The following IL1RAPL2 variants were observed in gnomAD, a reference collection of about 807,000 sequenced individuals.
The protein encoded by IL1RAPL2 is X-linked interleukin-1 receptor accessory protein-like 2.
In IL1RAPL2, 3 loss-of-function variants were observed where a neutral mutation model predicts 44.1. The observed-to-expected ratio is 0.07, with a 90% CI of 0.03 to 0.18. The LOEUF is 0.18. Ranked by LOEUF, IL1RAPL2 falls within the 10% of genes least tolerant of loss-of-function variation. IL1RAPL2 has a pLI of 1.00. For synonymous variants in IL1RAPL2, 181 were observed against 178.8 expected (o/e 1.01, Z -0.10); for missense variants, 391 against 496.4 (o/e 0.79, Z 2.02).
intron 6 of IL1RAPL2, among the ~76,000 whole-genome samples, chrX:105,663,600 A>T (rs1240081992): frequency 1.8e-5 from 2 of 111,950 alleles, no homozygotes; most frequent in South Asian, 3.7e-4. Context: ...TAAATTGAGT[A>T]TCACAGAAAA....
In IL1RAPL2 at chrX:105,080,682, G is replaced by A. The variant is rs188032103; in HGVS notation, c.83-114793G>A. Reference sequence around the variant, plus strand: ...CTCAAGCTTTGTTCTTTTTGCTTAGGATTGCCTTGGCTATGCGGGCTCTTT... The same window carrying A: ...CTCAAGCTTTGTTCTTTTTGCTTAGAATTGCCTTGGCTATGCGGGCTCTTT... On this transcript the variant is annotated intron_variant, in intron 2 of 10. Coordinates refer to ENST00000372582, the MANE Select transcript of IL1RAPL2 (RefSeq NM_017416.2). 9.8e-5 allele frequency among the ~76,000 whole-genome samples: 11 copies of A among 111,909 alleles called. No individual in the cohort carries two copies. The Admixed American group carries it at 1.0e-3, about 11-fold the overall frequency.
chrX:105,755,367 G>C lies in IL1RAPL2; in HGVS notation c.1363+20G>C. ...GTGGAAGTAAGTACTTTCAAATTTT[G>C]TGTTTAAAACGTTCTGTTTCTTTTA... On this transcript the variant is annotated intron_variant, in intron 10 of 10. Transcript: ENST00000372582. 1.8e-6 allele frequency: 2 copies of C among 1,141,327 alleles called. No individual in the cohort carries two copies. Among genetic ancestry groups the C allele is most frequent in the East Asian group, 6.0e-5 (2 of 33,260 alleles). The allele number at this position is 1,141,327 out of a possible 1,213,427, so 94.1% of individuals were successfully genotyped here.
At chrX:104,747,344 C>G (rs1199136342) in intron 2 of IL1RAPL2, among the ~76,000 whole-genome samples, 2 of 111,320 alleles carry the variant, frequency 1.8e-5, no homozygotes, top group Non-Finnish European at 3.8e-5. Context: ...CTCCTCCCTT[C>G]CCTTGCTTGC....
chrX:105,266,363 A>G (rs1399186968), intron 4 of IL1RAPL2, among the ~76,000 whole-genome samples: 1 of 111,373 alleles, frequency 9.0e-6, no homozygotes, highest in East Asian at 2.8e-4. Context: ...TTTGCCTTGA[A>G]TATTCAGCAC....
At chrX:104,695,774 C>G (rs759887558) in intron 2 of IL1RAPL2, among the ~76,000 whole-genome samples, 6 of 111,104 alleles carry the variant, frequency 5.4e-5, no homozygotes, top group Non-Finnish European at 1.1e-4. Context: ...TCATTTAATC[C>G]TCACAACAGC....
intron 2 of IL1RAPL2, among the ~76,000 whole-genome samples, chrX:105,185,932 A>T (rs1358441298): frequency 8.9e-6 from 1 of 112,053 alleles, no homozygotes; most frequent in Non-Finnish European, 1.9e-5. Flanking sequence ...CAGGTTCCAC[A>T]TCCATGGATT....
At chrX:104,603,325 A>G (rs774111366) in intron 1 of IL1RAPL2, among the ~76,000 whole-genome samples, 35 of 111,952 alleles carry the variant, frequency 3.1e-4, no homozygotes, top group Non-Finnish European at 5.4e-4. Flanking sequence ...CCAAAGGTAG[A>G]TAAATCCACA....
chrX:105,331,421 A>C (rs1220553607), intron 5 of IL1RAPL2, among the ~76,000 whole-genome samples: 1 of 111,703 alleles, frequency 9.0e-6, no homozygotes, highest in Non-Finnish European at 1.9e-5. Context: ...TGGTAAATGG[A>C]TGATGCTGCC....
chrX:105,502,432 C>A (rs115912073), intron 6 of IL1RAPL2, among the ~76,000 whole-genome samples: 2,740 of 111,556 alleles, frequency 0.025, 82 homozygotes, highest in African/African-American at 0.084. Flanking sequence ...CAGATGTGGC[C>A]TAACTCATAC....
chrX:105,673,647 G>T (rs912672172), intron 6 of IL1RAPL2, among the ~76,000 whole-genome samples: 2 of 111,658 alleles, frequency 1.8e-5, no homozygotes, highest in Non-Finnish European at 3.8e-5. Context: ...ATGTATCTTT[G>T]TAATAGAATC....
intron 6 of IL1RAPL2, among the ~76,000 whole-genome samples, chrX:105,621,592 C>T (rs921231840): frequency 9.0e-6 from 1 of 111,292 alleles, no homozygotes; most frequent in Non-Finnish European, 1.9e-5. Context: ...TTCTGAAAGG[C>T]TCAGTACAGA....
At chrX:104,993,473 T>C (rs1489317859) in intron 2 of IL1RAPL2, among the ~76,000 whole-genome samples, 1 of 111,902 alleles carries the variant, frequency 8.9e-6, no homozygotes, top group African/African-American at 3.2e-5. Context: ...TTGTGCACTA[T>C]TATTTAAGAG....
rs776428427 is a variant in IL1RAPL2 at position 104,685,675 on chromosome X, C to T, written c.82+26680C>T. Among the ~76,000 whole-genome samples the T allele has an allele frequency of 9.0e-5, 10 of 111,002 alleles. No individual in the cohort carries two copies. The East Asian group carries it at 2.6e-3, about 28-fold the overall frequency. The stretch of plus-strand genomic sequence containing the variant: ...TAGGAGATATACCTAATGTAAATGA[C>T]GAGCTAGTGGGTGCAGCACACCAAC... On this transcript the variant is annotated intron_variant, in intron 2 of 10. Transcript: ENST00000372582.
chrX:104,635,875 A>T (rs1325983514), intron 1 of IL1RAPL2, among the ~76,000 whole-genome samples: 2 of 111,499 alleles, frequency 1.8e-5, no homozygotes, highest in African/African-American at 6.5e-5. Flanking sequence ...GCTTTGTTCC[A>T]TTGCTGGTGA....
chrX:105,003,740 G>A (rs1214241129), intron 2 of IL1RAPL2, among the ~76,000 whole-genome samples: 1 of 109,668 alleles, frequency 9.1e-6, no homozygotes, highest in Admixed American at 9.9e-5. Context: ...GTCCATTCAC[G>A]CTTGTTACTC....
intron 6 of IL1RAPL2, among the ~76,000 whole-genome samples, chrX:105,650,240 C>A (rs1022019345): frequency 6.3e-5 from 7 of 111,521 alleles, no homozygotes; most frequent in African/African-American, 2.3e-4. Context: ...AAAAATGACT[C>A]CAGACATTGC....
intron 6 of IL1RAPL2, among the ~76,000 whole-genome samples, chrX:105,607,528 TATG>T (rs2037302995): frequency 9.5e-6 from 1 of 105,494 alleles, no homozygotes; most frequent in African/African-American, 3.5e-5. Context: ...TTCTTTTAAT[TATG>T]ATAACTTTAT....
At chrX:105,612,714 T>C (rs2037345526) in intron 6 of IL1RAPL2, among the ~76,000 whole-genome samples, 1 of 111,584 alleles carries the variant, frequency 9.0e-6, no homozygotes, top group South Asian at 3.8e-4. Flanking sequence ...AGACATTGGA[T>C]TGAACTCAGT....
At chrX:105,164,447 A>C (rs2033354265) in intron 2 of IL1RAPL2, among the ~76,000 whole-genome samples, 1 of 112,193 alleles carries the variant, frequency 8.9e-6, no homozygotes, top group Non-Finnish European at 1.9e-5. Flanking sequence ...GGGGACTATG[A>C]GATAAAATAA....
Sources: gnomAD v4.1 joint callset for allele counts (sites outside exome capture counted in the v4.1 genomes callset) on GRCh38, gnomAD v4.1.1 for gene constraint, MANE v1.5 for transcripts, NCBI Gene and HGNC (gene_info 2026-07-23, HGNC 2026-07-21) for gene names.